GSG1L: variants seen among roughly 807,000 people sequenced by gnomAD.
The protein encoded by GSG1L is germ cell-specific gene 1-like protein.
Under a neutral mutation model 42.1 loss-of-function variants are expected in GSG1L, and 24 were observed. The observed-to-expected ratio is 0.57, with a 90% CI of 0.41 to 0.80. The LOEUF (loss-of-function observed/expected upper bound fraction) is 0.80, where lower values mean the gene tolerates loss of function less well. Among genes scored for constraint, GSG1L ranks in the 30% least tolerant of loss-of-function variants. GSG1L has a pLI of 0.00. For synonymous variants in GSG1L, 215 were observed against 203.5 expected (o/e 1.06, Z -0.48); for missense variants, 445 against 472.2 (o/e 0.94, Z 0.53).
intron 2 of GSG1L, among the ~76,000 whole-genome samples, chr16:27,911,809 T>C (rs549741386): frequency 2.0e-5 from 3 of 152,250 alleles, no homozygotes; most frequent in African/African-American, 7.2e-5. Flanking sequence ...CTGCCCTTCT[T>C]CACAGCCTCA....
chr16:27,904,781 C>T (rs1009950557), intron 2 of GSG1L, among the ~76,000 whole-genome samples: 1 of 152,150 alleles, frequency 6.6e-6, no homozygotes, highest in African/African-American at 2.4e-5. Context: ...TCACTTTCCT[C>T]CTTAAGGAAA....
At chr16:27,892,966 A>G (rs943465168) in intron 2 of GSG1L, among the ~76,000 whole-genome samples, 8 of 152,144 alleles carry the variant, frequency 5.3e-5, no homozygotes, top group Non-Finnish European at 1.0e-4. Context: ...GTGCTGTGGA[A>G]TGCAAGCTCG....
rs148460233 is a variant in GSG1L, at chr16:27,824,059, C to T, written c.830+4730G>A. The T allele has an allele frequency of 7.2e-4, 465 of 647,526 alleles. 1 individual carries two copies. Among genetic ancestry groups the T allele is most frequent in the African/African-American group, 7.1e-3 (402 of 56,640 alleles). 40.1% of individuals were successfully genotyped at this position (647,526 alleles called of 1,614,324 possible). A position where few individuals can be genotyped will look rare whatever the true frequency, so the allele number is the denominator to read the frequency against. On this transcript the variant is annotated intron_variant, in intron 5 of 6. Transcript: ENST00000447459. ...TATCAGCCATGCTTCGAAATACCCT[C>T]GCCATCTCCATCCTAAGCTGGTCAT...
intron 3 of GSG1L, among the ~76,000 whole-genome samples, chr16:27,868,589 A>G (rs1567495301): frequency 7.0e-6 from 1 of 142,992 alleles, no homozygotes; most frequent in Non-Finnish European, 1.5e-5. Context: ...TGTTGGCAAG[A>G]GCTGTAAAAA....
chr16:27,803,978 T>C (rs550426741), intron 6 of GSG1L, among the ~76,000 whole-genome samples: 1 of 151,344 alleles, frequency 6.6e-6, no homozygotes, highest in East Asian at 1.9e-4. Context: ...AGATGATTGA[T>C]GGATAGATGA....
intron 1 of GSG1L, among the ~76,000 whole-genome samples, chr16:28,003,885 A>T (rs1202208231): frequency 1.3e-5 from 2 of 152,236 alleles, no homozygotes; most frequent in Non-Finnish European, 2.9e-5. Flanking sequence ...AGTCAAACCC[A>T]GAAAGATGGA....
rs774443656 is a variant in GSG1L at position 27,803,788 on chromosome 16, T to G, written c.898+3699A>C. On this transcript the variant is annotated intron_variant, in intron 6 of 6. Coordinates refer to ENST00000447459, the MANE Select transcript of GSG1L (RefSeq NM_001109763.2). ...AGACATATATATATATATATATATA[T>G]ATATATAGATAGATAGATATAGATA... Among the ~76,000 whole-genome samples, 575 of 63,604 alleles carry G rather than the reference T, an allele frequency of 9.0e-3. 2 individuals carry two copies. The highest frequency in any genetic ancestry group is 0.011 in the African/African-American group (181 of 16,352). 41.7% of individuals were successfully genotyped at this position (63,604 alleles called of 152,430 possible). A position where few individuals can be genotyped will look rare whatever the true frequency, so the allele number is the denominator to read the frequency against.
chr16:27,837,681 C>T (rs551369137), intron 4 of GSG1L, among the ~76,000 whole-genome samples: 2 of 152,346 alleles, frequency 1.3e-5, no homozygotes, highest in African/African-American at 2.4e-5. Flanking sequence ...TGGTGATTGT[C>T]ACCAAAATCT....
intron 1 of GSG1L, among the ~76,000 whole-genome samples, chr16:28,007,280 T>C (rs901099696): frequency 1.2e-4 from 19 of 152,138 alleles, no homozygotes; most frequent in African/African-American, 4.6e-4. Flanking sequence ...GATGATATGA[T>C]GGTACAAAAC....
chr16:27,807,274 T>A (rs1267736926), intron 6 of GSG1L, among the ~76,000 whole-genome samples: 2 of 152,098 alleles, frequency 1.3e-5, no homozygotes, highest in African/African-American at 2.4e-5. Flanking sequence ...TTTCTTAGCA[T>A]CCCATCCCGA....
At chr16:27,943,740 A>G (rs1023335026) in intron 2 of GSG1L, among the ~76,000 whole-genome samples, 32 of 151,400 alleles carry the variant, frequency 2.1e-4, no homozygotes, top group African/African-American at 7.0e-4. Context: ...ACACCCAGCT[A>G]ATTTTTTGCA....
At chr16:27,892,972 G>A (rs972522452) in intron 2 of GSG1L, among the ~76,000 whole-genome samples, 1 of 152,160 alleles carries the variant, frequency 6.6e-6, no homozygotes, top group Non-Finnish European at 1.5e-5. Flanking sequence ...TGGAATGCAA[G>A]CTCGCGGAAG....
chr16:27,950,539 G>A (rs1024960577), intron 2 of GSG1L, among the ~76,000 whole-genome samples: 1 of 152,106 alleles, frequency 6.6e-6, no homozygotes, highest in Admixed American at 6.6e-5. Flanking sequence ...GAATTAAGGA[G>A]GTGGGAGGGC....
intron 6 of GSG1L, among the ~76,000 whole-genome samples, chr16:27,792,834 A>C (rs1382460989): frequency 6.6e-6 from 1 of 152,214 alleles, no homozygotes; most frequent in African/African-American, 2.4e-5. Context: ...GGGAAGGAAG[A>C]AAACAAACAG....
chr16:27,887,128 A>G (rs1306373184), intron 2 of GSG1L, among the ~76,000 whole-genome samples: 1 of 151,178 alleles, frequency 6.6e-6, no homozygotes, highest in Non-Finnish European at 1.5e-5. Context: ...GCTTATTTTT[A>G]TATTTTTTGT....
intron 3 of GSG1L, among the ~76,000 whole-genome samples, chr16:27,846,635 G>C (rs1030531426): frequency 6.6e-6 from 1 of 152,154 alleles, no homozygotes; most frequent in African/African-American, 2.4e-5. Flanking sequence ...GGAACTCTCT[G>C]ATTGCATTTT....
intron 5 of GSG1L, 34 bp downstream of exon 5, chr16:27,828,755 C>G: frequency 6.3e-7 from 1 of 1,595,318 alleles, no homozygotes; most frequent in Non-Finnish European, 8.6e-7. Flanking sequence ...TTAGAGTCCC[C>G]GTGGTGGCCA....
intron 1 of GSG1L, among the ~76,000 whole-genome samples, chr16:27,980,033 G>C (rs1446441230): frequency 6.6e-6 from 1 of 152,122 alleles, no homozygotes; most frequent in Non-Finnish European, 1.5e-5. Flanking sequence ...CTCCCAAGGA[G>C]AGCCCGGGCG....
At chr16:28,047,401 A>T (rs544007549) in intron 1 of GSG1L, among the ~76,000 whole-genome samples, 25 of 150,606 alleles carry the variant, frequency 1.7e-4, no homozygotes, top group South Asian at 1.0e-3. Context: ...GTAAAAGATT[A>T]AAAAAAAACT....
Sources: allele counts gnomAD v4.1 joint callset (sites outside exome capture counted in the v4.1 genomes callset), GRCh38; gene constraint gnomAD v4.1.1; transcripts MANE v1.5; gene names NCBI Gene and HGNC (gene_info 2026-07-23, HGNC 2026-07-21).